The following WRAP53 variants were observed in gnomAD, a reference collection of about 807,000 sequenced individuals.
WRAP53 encodes WD repeat containing antisense to TP53.
A neutral mutation model predicts 56.6 loss-of-function variants in WRAP53; 28 were observed. The observed-to-expected ratio is 0.50, with a 90% CI of 0.37 to 0.68. WRAP53 has a LOEUF of 0.68. Among genes scored for constraint, WRAP53 ranks in the 30% least tolerant of loss-of-function variants. The probability of loss-of-function intolerance (pLI) is 0.00; values close to 1 mark genes in which losing one functional copy is unlikely to be tolerated. For missense variants in WRAP53, 671 were observed against 715.5 expected (o/e 0.94, Z 0.71); for synonymous variants, 283 against 283.4 (o/e 1.00, Z 0.01).
At chr17:7,696,429 G>A (rs1051167711) in intron 4 of WRAP53, among the ~76,000 whole-genome samples, 2 of 150,722 alleles carry the variant, frequency 1.3e-5, no homozygotes, top group African/African-American at 4.9e-5. Flanking sequence ...CTCCCGAGTA[G>A]CTGGGACTAC....
At chr17:7,694,325 CCT>C (rs1302774133) in intron 4 of WRAP53, among the ~76,000 whole-genome samples, 2 of 147,606 alleles carry the variant, frequency 1.4e-5, no homozygotes, top group Admixed American at 6.9e-5. Context: ...CTCACTGCAA[CCT>C]CTGTTTCCCG....
intron 4 of WRAP53, among the ~76,000 whole-genome samples, chr17:7,699,109 G>A (rs1567576925): frequency 6.7e-6 from 1 of 150,314 alleles, no homozygotes; most frequent in Non-Finnish European, 1.5e-5. Context: ...GTTAGATACT[G>A]TTTTTTTTCC....
chr17:7,690,314 A>G (rs1336514617), intron 4 of WRAP53, among the ~76,000 whole-genome samples: 1 of 152,232 alleles, frequency 6.6e-6, no homozygotes, highest in Non-Finnish European at 1.5e-5. Flanking sequence ...GTGGTGGACA[A>G]GACAGATGAA....
chr17:7,699,562 G>A (rs1346236619), intron 4 of WRAP53, among the ~76,000 whole-genome samples: 1 of 107,040 alleles, frequency 9.3e-6, no homozygotes, highest in Non-Finnish European at 1.9e-5. Context: ...GTATGACAGT[G>A]ATAAATTCAA....
rs2074277107 is a variant in WRAP53 at position 7,701,677 on chromosome 17, T to C, written c.843T>C (p.His281=). 1.2e-6 allele frequency: 2 copies of C among 1,614,240 alleles called. No individual in the cohort carries two copies. Among genetic ancestry groups the C allele is most frequent in the East Asian group, 4.5e-5 (2 of 44,888 alleles). ...CCCAGGATGAGCTGACGGCAGCCCA[T>C]TCGCTCTGCTTCTCCCCGGATGGCT... ...YNHLDELTAA[H]SLCFSPDGSQ... Residue 281 remains histidine, a synonymous_variant, in exon 7 of 11, where the codon CAT becomes CAC. Coordinates refer to ENST00000396463, the MANE Select transcript of WRAP53 (RefSeq NM_001143992.2). This position sits in a 1 kb window ranked among gnomAD's most constrained non-coding sequence, Gnocchi z 4.2.
At position 7,702,583 on chromosome 17, in the gene WRAP53, G is replaced by A. The variant is rs1426373054; in HGVS notation, c.1164+31G>A. The stretch of plus-strand genomic sequence containing the variant: ...GGTCACACCCTGAGAGCCCAAAGCA[G>A]CTGGGCAGCGGGGCAGGAGCAGGGA... On this transcript the variant is annotated intron_variant, in intron 8 of 10. Transcript: ENST00000396463. This position sits in a 1 kb window ranked among gnomAD's most constrained non-coding sequence, Gnocchi z 5.0. 2 of 1,600,682 alleles carry A rather than the reference G, an allele frequency of 1.2e-6. No homozygotes were observed. Among genetic ancestry groups the A allele is most frequent in the African/African-American group, 2.7e-5 (2 of 74,770 alleles).
At chr17:7,698,605 T>C (rs1232883146) in intron 4 of WRAP53, among the ~76,000 whole-genome samples, 1 of 151,892 alleles carries the variant, frequency 6.6e-6, no homozygotes, top group African/African-American at 2.4e-5. Flanking sequence ...AGGCTGGGCG[T>C]GGTGTCTCAT....
chr17:7,701,761 C>T lies in WRAP53; in HGVS notation c.927C>T (p.Gly309=). ...GTGTTTTTTCCACGGCCCGGCCTGGCCGAGACTGCGAGGTCCGAGCCACAT... is the reference window on the plus strand; with the variant it reads ...GTGTTTTTTCCACGGCCCGGCCTGGTCGAGACTGCGAGGTCCGAGCCACAT... ...TVRVFSTARP[G]RDCEVRATFA... is the part of the protein sequence containing the mutation. Residue 309 remains glycine (G), a synonymous_variant, in exon 7 of 11, where the codon GGC becomes GGT. Transcript: ENST00000396463. This position sits in a 1 kb window ranked among gnomAD's most constrained non-coding sequence, Gnocchi z 4.2. The T allele has an allele frequency of 6.2e-7, 1 of 1,614,080 alleles. No individual in the cohort carries two copies. Among genetic ancestry groups the T allele is most frequent in the Non-Finnish European group, 8.5e-7 (1 of 1,180,022 alleles).
At position 7,692,506 on chromosome 17, in the gene WRAP53, A is replaced by T. The variant is rs556416744; in HGVS notation, c.642+2805A>T. Among the ~76,000 whole-genome samples, 58 of 150,224 alleles carry T rather than the reference A, an allele frequency of 3.9e-4. 1 individual carries two copies. The South Asian group carries it at 0.012, about 31-fold the overall frequency. On this transcript the variant is annotated intron_variant, in intron 4 of 10. Coordinates refer to ENST00000396463, the MANE Select transcript of WRAP53 (RefSeq NM_001143992.2). ...CGTGGTGGCGGGCGCCTGTAATCCC[A>T]GCTACTCTGGAGTCTGAGGCAGGAG... is the stretch of plus-strand genomic sequence containing the variant.
At chr17:7,699,461 T>C (rs1179370214) in intron 4 of WRAP53, among the ~76,000 whole-genome samples, 2 of 14,536 alleles carry the variant, frequency 1.4e-4, no homozygotes, top group African/African-American at 1.4e-3. Context: ...TATATATTTA[T>C]ATATATATAT....
rs762178428 is a variant in WRAP53, at chr17:7,702,846, C to T, written c.1268C>T (p.Pro423Leu). The change falls in exon 9 of 11, where the codon CCG (proline) becomes CTG (leucine). Residue 423 changes from proline to leucine, a missense_variant and splice_region_variant. By Grantham distance (98) the Pro-to-Leu change is moderately conservative (BLOSUM62 -3). Around this residue, in one of 3 missense-constraint regions of WRAP53, gnomAD observed 158 missense variants for 215.7 expected, o/e 0.73. Transcript: ENST00000396463. This position sits in a 1 kb window ranked among gnomAD's most constrained non-coding sequence, Gnocchi z 5.0. ...TNQRIYFDLDPTGQFLVSGST... is the reference protein window; with the variant it reads ...TNQRIYFDLDLTGQFLVSGST... ...CAGCGCATCTACTTCGATCTGGACCCGTGAGTGGCTGTGACTCCTTCCTAC... is the reference window on the plus strand; with the variant it reads ...CAGCGCATCTACTTCGATCTGGACCTGTGAGTGGCTGTGACTCCTTCCTAC... 14 of 1,613,744 alleles carry T rather than the reference C, an allele frequency of 8.7e-6. No individual in the cohort carries two copies. In the East Asian group the frequency reaches 1.6e-4, roughly 18 times the overall value.
At position 7,700,781 on chromosome 17, in the gene WRAP53, A is replaced by T; in HGVS notation, c.683A>T (p.Asp228Val). 1.2e-6 allele frequency: 2 copies of T among 1,613,196 alleles called. No homozygotes were observed. Among genetic ancestry groups the T allele is most frequent in the Non-Finnish European group, 1.7e-6 (2 of 1,179,454 alleles). The change falls in exon 5 of 11, where the codon GAT (aspartate) becomes GTT (valine). Residue 228 changes from aspartate to valine, a missense_variant. Coordinates refer to ENST00000396463, the MANE Select transcript of WRAP53 (RefSeq NM_001143992.2). Reference sequence around the variant, plus strand: ...ATGGTGGAAGGTGATACCATCTATGATTACTGCTGGTATTCTCTGATGTCC... The same window carrying T: ...ATGGTGGAAGGTGATACCATCTATGTTTACTGCTGGTATTCTCTGATGTCC... ...LRMVEGDTIY[D>V]YCWYSLMSSA... is the part of the protein sequence containing the mutation.
chr17:7,686,765 C>G (rs2073994097), upstream of WRAP53: 1 of 152,318 alleles, frequency 6.6e-6, no homozygotes, highest in African/African-American at 2.4e-5. Context: ...CGGGCAAACC[C>G]CTGGTTTAGC....
rs138634236 is a variant in WRAP53, at chr17:7,700,856, C to T, written c.731+27C>T. ...TAAGTAATGTTTGCCTCCCTGCTCG[C>T]CGCCCCACCACCCAGTTTCAAGCAG... On this transcript the variant is annotated intron_variant, in intron 5 of 10. Coordinates refer to ENST00000396463, the MANE Select transcript of WRAP53 (RefSeq NM_001143992.2). 6.8e-3 allele frequency: 10,503 copies of T among 1,546,942 alleles called. 46 individuals carry two copies. The highest frequency in any genetic ancestry group is 8.3e-3 in the Non-Finnish European group (9,258 of 1,119,280).
intron 4 of WRAP53, among the ~76,000 whole-genome samples, chr17:7,699,949 T>A (rs749533089): frequency 9.2e-5 from 14 of 151,972 alleles, no homozygotes; most frequent in Non-Finnish European, 1.8e-4. Flanking sequence ...CCCAGGCTGG[T>A]CTTGAACTCC....
At chr17:7,699,497 TATA>T (rs1458665012) in intron 4 of WRAP53, among the ~76,000 whole-genome samples, 159 of 12,440 alleles carry the variant, frequency 0.013, 15 homozygotes, top group East Asian at 0.033. Flanking sequence ...TATATATATA[TATA>T]TTTATATATA....
intron 4 of WRAP53, among the ~76,000 whole-genome samples, chr17:7,698,761 T>C (rs977285026): frequency 2.6e-5 from 4 of 151,922 alleles, no homozygotes; most frequent in African/African-American, 9.7e-5. Flanking sequence ...CCTGTAATCG[T>C]AGCTACTCAG....
chr17:7,700,373 G>A (rs575109558), intron 4 of WRAP53, among the ~76,000 whole-genome samples: 3 of 151,820 alleles, frequency 2.0e-5, no homozygotes, highest in African/African-American at 4.8e-5. Context: ...GGCCCGGCAC[G>A]GTGGCTCACA....
rs1346073110 is a variant in WRAP53 at position 7,701,699 on chromosome 17, G to T, written c.865G>T (p.Gly289Cys). Residue 289 changes from glycine to cysteine, a missense_variant, in exon 7 of 11, where the codon GGC (glycine) becomes TGC (cysteine). Physicochemically the swap from Gly to Cys is radical, Grantham distance 159. Coordinates refer to ENST00000396463, the MANE Select transcript of WRAP53 (RefSeq NM_001143992.2). The surrounding 1 kb of genome is among the most constrained non-coding windows in gnomAD (Gnocchi z 4.2). ...AAHSLCFSPD[G>C]SQLFCGFNRT... The stretch of plus-strand genomic sequence containing the variant: ...CCATTCGCTCTGCTTCTCCCCGGAT[G>T]GCTCCCAGCTCTTCTGTGGCTTCAA... The T allele has an allele frequency of 6.2e-7, 1 of 1,614,224 alleles. No individual in the cohort carries two copies. The highest frequency in any genetic ancestry group is 1.1e-5 in the South Asian group (1 of 91,080).
Sources: allele counts gnomAD v4.1 joint callset (sites outside exome capture counted in the v4.1 genomes callset), GRCh38; gene constraint gnomAD v4.1.1; regional missense constraint gnomAD v4.1.1; non-coding constraint Gnocchi (gnomAD v3.1); transcripts MANE v1.5; gene names NCBI Gene and HGNC (gene_info 2026-07-23, HGNC 2026-07-21).